Variants in DAPL1 observed in about 807,000 individuals in gnomAD.
The protein encoded by DAPL1 is death associated protein like 1, also known as death-associated protein-like 1.
Under a neutral mutation model 12.9 loss-of-function variants are expected in DAPL1, and 17 were observed. The ratio of observed to expected loss-of-function variants is 1.32; its 90% CI spans 0.90 to 1.98. The LOEUF (loss-of-function observed/expected upper bound fraction) is 1.98, where lower values mean the gene tolerates loss of function less well. Among genes scored for constraint, DAPL1 ranks in the 30% most tolerant of loss-of-function variants. The pLI, the probability that DAPL1 is intolerant of heterozygous loss-of-function variation, is 0.00. For missense variants in DAPL1, 157 were observed against 125.7 expected (o/e 1.25, Z -1.19); for synonymous variants, 51 against 42.0 (o/e 1.21, Z -0.82).
intron 1 of DAPL1, among the ~76,000 whole-genome samples, chr2:158,799,880 T>C (rs942826127): frequency 2.0e-5 from 3 of 152,070 alleles, no homozygotes; most frequent in Non-Finnish European, 4.4e-5. Context: ...TCTATCTTAT[T>C]GTTCCTAAGG....
intron 1 of DAPL1, among the ~76,000 whole-genome samples, chr2:158,800,256 A>G (rs1295923360): frequency 6.6e-6 from 1 of 152,128 alleles, no homozygotes; most frequent in Non-Finnish European, 1.5e-5. Flanking sequence ...TATTCATGAC[A>G]AAAGAACTTC....
chr2:158,811,066 AG>A (rs1306128926), intron 3 of DAPL1, among the ~76,000 whole-genome samples: 1 of 152,228 alleles, frequency 6.6e-6, no homozygotes, highest in African/African-American at 2.4e-5. Flanking sequence ...AGAACATAAA[AG>A]TATCCAGTTA....
chr2:158,806,147 A>T (rs1471857444), intron 2 of DAPL1, among the ~76,000 whole-genome samples: 2 of 148,310 alleles, frequency 1.3e-5, no homozygotes, highest in South Asian at 2.1e-4. Flanking sequence ...ATAGCTTTTT[A>T]AAAATATGCT....
rs560817693 is a variant in DAPL1 at position 158,806,847 on chromosome 2, A to T, written c.147-208A>T. Among the ~76,000 whole-genome samples, 419 of 145,430 alleles carry T rather than the reference A, an allele frequency of 2.9e-3. 1 individual carries two copies. The highest frequency in any genetic ancestry group is 0.025 in the Middle Eastern group (7 of 284). On this transcript the variant is annotated intron_variant, in intron 2 of 3. Transcript: ENST00000309950. The stretch of plus-strand genomic sequence containing the variant: ...GCGAAACTGTGTCTCAGAAAAAAAA[A>T]AATAATAATAATAATAATAATAATT...
At chr2:158,810,265 C>A (rs1055876355) in intron 3 of DAPL1, among the ~76,000 whole-genome samples, 6 of 152,138 alleles carry the variant, frequency 3.9e-5, no homozygotes, top group African/African-American at 1.4e-4. Context: ...CAATGATTCT[C>A]CTCACGGTAT....
At position 158,795,771 on chromosome 2, in the gene DAPL1, T is replaced by C. The variant is rs141538386; in HGVS notation, c.58+341T>C. ...GGCTGTAGATTAGCAGTGACACATC[T>C]ACACCAGGAAGATGATTTGCTACCA... On this transcript the variant is annotated intron_variant, in intron 1 of 3. Coordinates refer to ENST00000309950, the MANE Select transcript of DAPL1 (RefSeq NM_001017920.3). Among the ~76,000 whole-genome samples, 344 of 152,304 alleles carry C rather than the reference T, an allele frequency of 2.3e-3. 2 individuals carry two copies. The highest frequency in any genetic ancestry group is 7.9e-3 in the African/African-American group (328 of 41,570).
intron 1 of DAPL1, among the ~76,000 whole-genome samples, chr2:158,803,119 T>C (rs772322960): frequency 1.5e-4 from 23 of 152,188 alleles, no homozygotes; most frequent in Non-Finnish European, 2.4e-4. Flanking sequence ...TACCATTTTA[T>C]AAAAAATAAA....
chr2:158,796,036 C>A (rs1279069183), intron 1 of DAPL1, among the ~76,000 whole-genome samples: 1 of 152,124 alleles, frequency 6.6e-6, no homozygotes, highest in Admixed American at 6.5e-5. Flanking sequence ...AAGGTGTTTG[C>A]AAAGCATCCA....
At chr2:158,812,548 C>A (rs1379502277) in intron 3 of DAPL1, among the ~76,000 whole-genome samples, 1 of 152,136 alleles carries the variant, frequency 6.6e-6, no homozygotes, top group Non-Finnish European at 1.5e-5. Context: ...AATCCTAGCA[C>A]TTTGGGAGGC....
chr2:158,810,310 T>A (rs1438497090), intron 3 of DAPL1, among the ~76,000 whole-genome samples: 1 of 152,166 alleles, frequency 6.6e-6, no homozygotes, highest in Non-Finnish European at 1.5e-5. Context: ...ATACAGCTGG[T>A]CAGAATAAAT....
In DAPL1 at chr2:158,815,580, T is replaced by C. The variant is rs1047837018; in HGVS notation, c.208-125T>C. The C allele has an allele frequency of 5.7e-5, 41 of 718,926 alleles. No individual in the cohort carries two copies. The East Asian group carries it at 9.6e-4, about 17-fold the overall frequency. 44.5% of individuals were successfully genotyped at this position (718,926 alleles called of 1,614,324 possible). A position where few individuals can be genotyped will look rare whatever the true frequency, so the allele number is the denominator to read the frequency against. On this transcript the variant is annotated intron_variant, in intron 3 of 3. Coordinates refer to ENST00000309950, the MANE Select transcript of DAPL1 (RefSeq NM_001017920.3). ...TAGAAATAGTATGGAAAAAAAGAGA[T>C]ATTATCAAATAAATAAACAAAATTG...
chr2:158,804,343 C>T lies in DAPL1; in HGVS notation c.120C>T (p.Thr40=). 2 of 1,609,892 alleles carry T rather than the reference C, an allele frequency of 1.2e-6. No homozygotes were observed. The highest frequency in any genetic ancestry group is 1.1e-5 in the South Asian group (1 of 90,392). Residue 40 remains threonine, a synonymous_variant, in exon 2 of 4, where the codon ACC becomes ACT. Transcript: ENST00000309950. ...AAATTGGCACCTTGGAAAGACATACCAAAAAAACAGGATTCGAGAAAACAA... is the reference window on the plus strand; with the variant it reads ...AAATTGGCACCTTGGAAAGACATACTAAAAAAACAGGATTCGAGAAAACAA... The part of the protein sequence containing the change: ...KQEIGTLERH[T]KKTGFEKTSA...
At chr2:158,806,751 G>A (rs188804894) in intron 2 of DAPL1, among the ~76,000 whole-genome samples, 16 of 151,860 alleles carry the variant, frequency 1.1e-4, no homozygotes, top group Non-Finnish European at 2.1e-4. Flanking sequence ...CAGAAGAATC[G>A]CTTGAACCCA....
rs145139480 is a variant in DAPL1 at position 158,799,076 on chromosome 2, C to A, written c.58+3646C>A. 4.1e-3 allele frequency among the ~76,000 whole-genome samples: 626 copies of A among 152,204 alleles called. 6 individuals are homozygous for A. Among genetic ancestry groups the A allele is most frequent in the African/African-American group, 0.013 (544 of 41,554 alleles). On this transcript the variant is annotated intron_variant, in intron 1 of 3. Transcript: ENST00000309950. ...TGTATTTTTAAAAATTTATAAACTA[C>A]AAAAGCAGTCACAAGAGTATAATTC...
At chr2:158,814,115 A>G (rs1233941741) in intron 3 of DAPL1, among the ~76,000 whole-genome samples, 2 of 152,230 alleles carry the variant, frequency 1.3e-5, no homozygotes, top group East Asian at 1.9e-4. Context: ...GAAATAATTC[A>G]TCTATTTTAG....
chr2:158,798,038 A>G (rs1325138692), intron 1 of DAPL1, among the ~76,000 whole-genome samples: 1 of 152,202 alleles, frequency 6.6e-6, no homozygotes, highest in African/African-American at 2.4e-5. Flanking sequence ...GAACCCCATT[A>G]TATGAACAGC....
At chr2:158,803,974 G>A (rs529342871) in intron 1 of DAPL1, among the ~76,000 whole-genome samples, 1 of 152,262 alleles carries the variant, frequency 6.6e-6, no homozygotes, top group South Asian at 2.1e-4. Context: ...AAGAAAAAAT[G>A]TTTTTCAGTG....
chr2:158,800,802 C>A (rs1019597512), intron 1 of DAPL1, among the ~76,000 whole-genome samples: 1 of 152,150 alleles, frequency 6.6e-6, no homozygotes, highest in African/African-American at 2.4e-5. Context: ...TTATCAATGT[C>A]CTTCCAAATG....
intron 3 of DAPL1, among the ~76,000 whole-genome samples, chr2:158,810,153 G>A (rs2059222862): frequency 6.6e-6 from 1 of 152,136 alleles, no homozygotes; most frequent in Non-Finnish European, 1.5e-5. Context: ...AAACAGAATA[G>A]CCATGCTGCA....
Sources: gnomAD v4.1 joint callset for allele counts (sites outside exome capture counted in the v4.1 genomes callset) on GRCh38, gnomAD v4.1.1 for gene constraint, MANE v1.5 for transcripts, NCBI Gene and HGNC (gene_info 2026-07-23, HGNC 2026-07-21) for gene names.